UTS2B: variants seen among roughly 807,000 people sequenced by gnomAD.
UTS2B encodes the protein urotensin 2B.
Under a neutral mutation model 19.2 loss-of-function variants are expected in UTS2B, and 21 were observed. That is an observed-to-expected ratio of 1.09 (90% CI 0.78 to 1.58). UTS2B has a LOEUF of 1.58. Ranked by LOEUF, UTS2B falls within the 40% of genes most tolerant of loss-of-function variation. The pLI, the probability that UTS2B is intolerant of heterozygous loss-of-function variation, is 0.00. For missense variants in UTS2B, 138 were observed against 130.3 expected, an observed-to-expected ratio of 1.06 and a Z score of -0.29; for synonymous variants, 57 against 50.2, an observed-to-expected ratio of 1.14 and a Z score of -0.58.
At chr3:191,279,748 T>G (rs1418416509) in intron 5 of UTS2B, among the ~76,000 whole-genome samples, 1 of 152,054 alleles carries the variant, frequency 6.6e-6, no homozygotes, top group Non-Finnish European at 1.5e-5. Flanking sequence ...TCACTATCTC[T>G]TAAGAAAAAA....
chr3:191,307,578 T>C (rs1272593990), intron 3 of UTS2B, among the ~76,000 whole-genome samples: 1 of 152,168 alleles, frequency 6.6e-6, no homozygotes, highest in African/African-American at 2.4e-5. Flanking sequence ...CAGTTCATGA[T>C]GGGTAGGACG....
intron 2 of UTS2B, among the ~76,000 whole-genome samples, chr3:191,328,058 T>G (rs1055935863): frequency 6.6e-6 from 1 of 152,210 alleles, no homozygotes; most frequent in East Asian, 1.9e-4. Context: ...TTTGAACATA[T>G]AAAAAACAGT....
chr3:191,274,164 C>T (rs1716167906), intron 8 of UTS2B, among the ~76,000 whole-genome samples: 1 of 151,930 alleles, frequency 6.6e-6, no homozygotes, highest in South Asian at 2.1e-4. Flanking sequence ...CCACTTCATC[C>T]TTCACCCTTA....
intron 3 of UTS2B, among the ~76,000 whole-genome samples, chr3:191,314,873 G>A (rs1202869207): frequency 1.3e-5 from 2 of 152,132 alleles, no homozygotes; most frequent in Non-Finnish European, 2.9e-5. Flanking sequence ...CTCCCAGGGA[G>A]GGCATGGAAA....
intron 8 of UTS2B, among the ~76,000 whole-genome samples, chr3:191,271,051 A>C (rs1716078458): frequency 6.6e-6 from 1 of 151,882 alleles, no homozygotes; most frequent in Non-Finnish European, 1.5e-5. Flanking sequence ...AAAAATACAA[A>C]AATTAGCTGA....
At chr3:191,291,309 A>G (rs538674904) in intron 4 of UTS2B, among the ~76,000 whole-genome samples, 1 of 152,170 alleles carries the variant, frequency 6.6e-6, no homozygotes, top group Non-Finnish European at 1.5e-5. Context: ...TTTATTTGAA[A>G]AAAGTCCAAT....
chr3:191,273,218 C>G (rs1215961663), intron 8 of UTS2B, among the ~76,000 whole-genome samples: 1 of 152,168 alleles, frequency 6.6e-6, no homozygotes, highest in Non-Finnish European at 1.5e-5. Context: ...TAAATATATC[C>G]TGGAAAGCCT....
At chr3:191,286,207 A>G (rs886842983) in intron 4 of UTS2B, among the ~76,000 whole-genome samples, 2 of 152,214 alleles carry the variant, frequency 1.3e-5, no homozygotes, top group African/African-American at 2.4e-5. Flanking sequence ...CCCATTTTCA[A>G]CAATGAACAG....
In UTS2B at chr3:191,294,831, C is replaced by T. The variant is rs535356289; in HGVS notation, c.-125+9661G>A. ...ATCACCTAAGGCCAGTAGTTCGAGA[C>T]CAGCCTGAACAACATGGTAAAATCC... is the stretch of plus-strand genomic sequence containing the variant. On this transcript the variant is annotated intron_variant, in intron 4 of 8. Coordinates refer to ENST00000340524, the MANE Select transcript of UTS2B (RefSeq NM_198152.5). The T allele has an allele frequency of 2.0e-4, 31 of 151,736 alleles. 1 individual carries two copies. The South Asian group carries it at 5.2e-3, about 25-fold the overall frequency. 9.4% of individuals were successfully genotyped at this position (151,736 alleles called of 1,614,324 possible).
rs911986385 is a variant in UTS2B at position 191,267,428 on chromosome 3, C to A, written c.*988G>T. ...TCATATGCATAATAAATGCCAGTTT[C>A]TTTATGATTGAAACAGCTACAATTT... On this transcript the variant is annotated 3_prime_UTR_variant, in exon 9 of 9. Transcript: ENST00000340524. 6.6e-6 allele frequency: 1 copy of A among 152,224 alleles called. No individual in the cohort carries two copies. The highest frequency in any genetic ancestry group is 1.5e-5 in the Non-Finnish European group (1 of 68,032). The allele number at this position is 152,224 out of a possible 1,614,324, so 9.4% of individuals were successfully genotyped here. A position where few individuals can be genotyped will look rare whatever the true frequency, so the allele number is the denominator to read the frequency against.
chr3:191,277,999 G>C (rs1409432057), intron 6 of UTS2B, 73 bp downstream of exon 6: 1 of 725,660 alleles, frequency 1.4e-6, no homozygotes, highest in Non-Finnish European at 2.2e-6. Context: ...TTAACATTTA[G>C]AAAAAGCAAG....
Position 191,299,836 on chromosome 3 carries a change from G to A in UTS2B, c.-125+4656C>T, listed in dbSNP as rs559507879. On this transcript the variant is annotated intron_variant, in intron 4 of 8. Transcript: ENST00000340524. ...AACACCAGCCCTTGAGAGCAGCCAC[G>A]GGGGCTGAACCCTGCAAAGTCACAG... Among the ~76,000 whole-genome samples, 55 of 152,326 alleles carry A rather than the reference G, an allele frequency of 3.6e-4. 1 individual carries two copies. The highest frequency in any genetic ancestry group is 1.2e-3 in the South Asian group (6 of 4,826).
chr3:191,291,846 A>C (rs1174784315), intron 4 of UTS2B, among the ~76,000 whole-genome samples: 2 of 152,108 alleles, frequency 1.3e-5, no homozygotes, highest in Non-Finnish European at 2.9e-5. Flanking sequence ...TAGTTGTCTC[A>C]CCACATTTGT....
chr3:191,293,647 G>A lies in UTS2B; in HGVS notation c.-125+10845C>T, dbSNP rs112937783. ...TTCTGTCTCATCTTTATTAAGAAGA[G>A]CCATGAGATATACAGACATTTCATC... is the stretch of plus-strand genomic sequence containing the variant. On this transcript the variant is annotated intron_variant, in intron 4 of 8. Coordinates refer to ENST00000340524, the MANE Select transcript of UTS2B (RefSeq NM_198152.5). Among the ~76,000 whole-genome samples, 48 of 152,026 alleles carry A rather than the reference G, an allele frequency of 3.2e-4. 2 individuals carry two copies. The highest frequency in any genetic ancestry group is 1.1e-3 in the African/African-American group (45 of 41,320).
chr3:191,312,647 A>G (rs986161990), intron 3 of UTS2B, among the ~76,000 whole-genome samples: 7 of 152,168 alleles, frequency 4.6e-5, no homozygotes, highest in Non-Finnish European at 7.4e-5. Context: ...GAAGTTTTTA[A>G]TAATCGTGAT....
At chr3:191,310,254 C>A (rs1231555778) in intron 3 of UTS2B, among the ~76,000 whole-genome samples, 1 of 150,808 alleles carries the variant, frequency 6.6e-6, no homozygotes, top group Admixed American at 6.7e-5. Flanking sequence ...GCGTAAGCCA[C>A]CGCACCCAGC....
chr3:191,324,930 A>G (rs1717705583), intron 2 of UTS2B, among the ~76,000 whole-genome samples: 1 of 152,092 alleles, frequency 6.6e-6, no homozygotes, highest in South Asian at 2.1e-4. Context: ...CACTCTTGTA[A>G]TCCCAGCTAC....
At chr3:191,305,449 G>A (rs1717111120) in intron 3 of UTS2B, among the ~76,000 whole-genome samples, 1 of 151,832 alleles carries the variant, frequency 6.6e-6, no homozygotes, top group South Asian at 2.1e-4. Flanking sequence ...TATAATTCTT[G>A]GCCACATGCA....
chr3:191,272,547 C>T (rs1246173968), intron 8 of UTS2B, among the ~76,000 whole-genome samples: 1 of 152,108 alleles, frequency 6.6e-6, no homozygotes, highest in African/African-American at 2.4e-5. Context: ...CTCATCTTTT[C>T]AGTTAATAGG....
Sources: allele counts gnomAD v4.1 joint callset (sites outside exome capture counted in the v4.1 genomes callset), GRCh38; gene constraint gnomAD v4.1.1; transcripts MANE v1.5; gene names NCBI Gene and HGNC (gene_info 2026-07-23, HGNC 2026-07-21).